Variants in VWA8 observed in about 807,000 individuals in gnomAD.
VWA8 encodes von Willebrand factor A domain-containing protein 8.
Under a neutral mutation model 241.5 loss-of-function variants are expected in VWA8, and 221 were observed. The observed-to-expected ratio is 0.91, with a 90% confidence interval of 0.82 to 1.02. VWA8 has a LOEUF of 1.02. VWA8 is among the 50% of genes least tolerant of loss of function. VWA8 has a pLI of 0.00. For missense variants in VWA8, 2,322 were observed against 2,328.7 expected, an observed-to-expected ratio of 1.00 and a Z score of 0.06; for synonymous variants, 852 against 827.1, an observed-to-expected ratio of 1.03 and a Z score of -0.52.
intron 31 of VWA8, 27 bp downstream of exon 31, chr13:41,691,847 T>C: frequency 6.4e-7 from 1 of 1,560,752 alleles, no homozygotes; most frequent in Non-Finnish European, 8.8e-7. Context: ...GAACTCCAGT[T>C]TAAATCCTCT....
intron 37 of VWA8, among the ~76,000 whole-genome samples, chr13:41,666,091 G>A (rs1470548981): frequency 6.6e-6 from 1 of 152,068 alleles, no homozygotes; most frequent in Non-Finnish European, 1.5e-5. Context: ...AGCAATTACT[G>A]ATAATGTTGT....
rs571920760 is a variant in VWA8 at position 41,692,915 on chromosome 13, G to C, written c.3622C>G (p.Pro1208Ala). 2 of 1,611,468 alleles carry C rather than the reference G, an allele frequency of 1.2e-6. No individual in the cohort carries two copies. The highest frequency in any genetic ancestry group is 1.7e-6 in the Non-Finnish European group (2 of 1,178,408). Reference protein sequence around the residue: ...TGRALHRLILPSEKFTSKKPF... With the variant: ...TGRALHRLILASEKFTSKKPF... ...TTCTTAGATGTAAACTTCTCGGAAG[G>C]GAGGATGAGACGATGAAGGGCCCGG... The change falls in exon 30 of 45, where the codon CCT (proline) becomes GCT (alanine). Residue 1208 changes from proline (P) to alanine (A), a missense_variant. Physicochemically the swap from Pro to Ala is conservative, Grantham distance 27 (BLOSUM62 -1). Coordinates refer to ENST00000379310, the MANE Select transcript of VWA8 (RefSeq NM_015058.2).
In VWA8 at chr13:41,690,256, G is replaced by A. The variant is rs1416270328; in HGVS notation, c.3886C>T (p.Pro1296Ser). ...CTACCCTCAGATTCGATGTGTGCAG[G>A]CTTAGTTAAAAGATATTTCCTGCAA... ...KTNQKYLLTK[P>S]AHIESEGSGV... The change falls in exon 33 of 45, where the codon CCT (proline) becomes TCT (serine). Residue 1296 changes from proline to serine, a missense_variant. Transcript: ENST00000379310. 1 of 1,609,612 alleles carries A rather than the reference G, an allele frequency of 6.2e-7. No homozygotes were observed. The highest frequency in any genetic ancestry group is 8.5e-7 in the Non-Finnish European group (1 of 1,178,154).
intron 28 of VWA8, among the ~76,000 whole-genome samples, chr13:41,699,945 G>A (rs1439721246): frequency 1.3e-5 from 2 of 152,110 alleles, no homozygotes; most frequent in Non-Finnish European, 2.9e-5. Context: ...GAGGTTTGGG[G>A]TGGGGTTTCA....
intron 20 of VWA8, among the ~76,000 whole-genome samples, chr13:41,766,585 T>A (rs1411242815): frequency 6.6e-6 from 1 of 152,252 alleles, no homozygotes; most frequent in African/African-American, 2.4e-5. Flanking sequence ...TCTTTGCTTA[T>A]GTGGTTTCTT....
At chr13:41,906,199 A>T (rs1593860081) in intron 4 of VWA8, among the ~76,000 whole-genome samples, 1 of 152,210 alleles carries the variant, frequency 6.6e-6, no homozygotes, top group South Asian at 2.1e-4. Context: ...TATTCCTCAA[A>T]AACTTTCCAC....
At chr13:41,657,292 G>A (rs540470729) in intron 37 of VWA8, among the ~76,000 whole-genome samples, 5 of 151,622 alleles carry the variant, frequency 3.3e-5, no homozygotes, top group African/African-American at 7.3e-5. Context: ...TGTGTTGAGC[G>A]CCAGGCCCTG....
chr13:41,914,382 C>A (rs1428639255), intron 2 of VWA8, among the ~76,000 whole-genome samples: 1 of 152,148 alleles, frequency 6.6e-6, no homozygotes, highest in Non-Finnish European at 1.5e-5. Flanking sequence ...TGCTAGCATG[C>A]AACTGGCCTG....
In VWA8 at chr13:41,870,653, GA is replaced by G. The variant is rs1307877851; in HGVS notation, c.1081-2177del. ...TCCGTCTCAAAAAAAAAAAAAAAAAGAAAAAAAATTTAGAACGAAGATTCAT... is the reference window on the plus strand; with the variant it reads ...TCCGTCTCAAAAAAAAAAAAAAAAAGAAAAAAATTTAGAACGAAGATTCAT... On this transcript the variant is annotated intron_variant, in intron 9 of 44. Transcript: ENST00000379310. Among the ~76,000 whole-genome samples the G allele has an allele frequency of 6.8e-3, 991 of 145,456 alleles. 6 individuals are homozygous for G. Among genetic ancestry groups the G allele is most frequent in the African/African-American group, 0.022 (888 of 39,500 alleles).
chr13:41,791,721 C>T (rs887390832), intron 17 of VWA8, among the ~76,000 whole-genome samples: 6 of 151,770 alleles, frequency 4.0e-5, no homozygotes, highest in African/African-American at 1.5e-4. Flanking sequence ...ATGCATGCAA[C>T]TTACTTCATT....
chr13:41,882,428 G>A (rs1288984338), intron 9 of VWA8, among the ~76,000 whole-genome samples: 3 of 152,108 alleles, frequency 2.0e-5, no homozygotes, highest in African/African-American at 4.8e-5. Flanking sequence ...CTGCAATCTC[G>A]GCACTTTGGG....
At chr13:41,665,627 G>A (rs764409557) in intron 37 of VWA8, among the ~76,000 whole-genome samples, 8 of 151,696 alleles carry the variant, frequency 5.3e-5, no homozygotes, top group Admixed American at 1.3e-4. Context: ...GCTCAGAACC[G>A]TAACAGTTCT....
intron 20 of VWA8, among the ~76,000 whole-genome samples, chr13:41,775,619 A>G (rs757155765): frequency 6.6e-6 from 1 of 152,194 alleles, no homozygotes; most frequent in Non-Finnish European, 1.5e-5. Context: ...CTGGAGTCCA[A>G]CCATCTACCT....
intron 17 of VWA8, among the ~76,000 whole-genome samples, chr13:41,801,870 G>C (rs1041863777): frequency 7.9e-5 from 12 of 152,180 alleles, no homozygotes; most frequent in Non-Finnish European, 1.8e-4. Context: ...TGTGACTTGA[G>C]TGACTTAAAC....
chr13:41,894,866 T>G (rs936096356), intron 4 of VWA8, among the ~76,000 whole-genome samples: 1 of 152,182 alleles, frequency 6.6e-6, no homozygotes, highest in Non-Finnish European at 1.5e-5. Context: ...ATGCATCATT[T>G]CAATCAAATC....
chr13:41,690,638 G>A (rs1446412536), intron 32 of VWA8, among the ~76,000 whole-genome samples: 1 of 152,072 alleles, frequency 6.6e-6, no homozygotes, highest in Non-Finnish European at 1.5e-5. Flanking sequence ...TGATCAGCTA[G>A]GAGATAGATG....
chr13:41,657,454 C>T lies in VWA8; in HGVS notation c.4611+13492G>A, dbSNP rs2044914352. Among the ~76,000 whole-genome samples the T allele has an allele frequency of 2.0e-5, 3 of 151,364 alleles. No individual in the cohort carries two copies. In the East Asian group the frequency reaches 5.8e-4, roughly 29 times the overall value. ...TGGAATCACATAAATAATAAGTCCT[C>T]TCTTTAAAGGTACAGAGAAAAGTTA... On this transcript the variant is annotated intron_variant, in intron 37 of 44. Coordinates refer to ENST00000379310, the MANE Select transcript of VWA8 (RefSeq NM_015058.2).
intron 37 of VWA8, among the ~76,000 whole-genome samples, chr13:41,649,999 G>C (rs909525070): frequency 5.3e-5 from 8 of 152,092 alleles, no homozygotes; most frequent in African/African-American, 1.9e-4. Context: ...CCTAGTATTA[G>C]CCCCTCCCCT....
intron 37 of VWA8, among the ~76,000 whole-genome samples, chr13:41,619,945 T>A (rs1195442344): frequency 1.3e-5 from 2 of 152,186 alleles, no homozygotes; most frequent in African/African-American, 4.8e-5. Context: ...TTTTGTTGTG[T>A]CTCTGCCAGG....
Sources: gnomAD v4.1 joint callset for allele counts (sites outside exome capture counted in the v4.1 genomes callset) on GRCh38, gnomAD v4.1.1 for gene constraint, MANE v1.5 for transcripts, NCBI Gene and HGNC (gene_info 2026-07-23, HGNC 2026-07-21) for gene names.